The following NBN variants were observed in gnomAD, a reference collection of about 807,000 sequenced individuals.
The protein encoded by NBN is Nijmegen breakage syndrome 1 (nibrin).
In NBN, 88 loss-of-function variants were observed where a neutral mutation model predicts 90.8. The observed-to-expected ratio is 0.97, with a 90% confidence interval of 0.82 to 1.16. NBN has a LOEUF of 1.16. Among genes scored for constraint, NBN ranks in the 50% most tolerant of loss-of-function variants. The probability of loss-of-function intolerance (pLI) is 0.00; values close to 1 mark genes in which losing one functional copy is unlikely to be tolerated. For synonymous variants in NBN, 328 were observed against 295.1 expected, an observed-to-expected ratio of 1.11 and a Z score of -1.14; for missense variants, 894 against 869.6, an observed-to-expected ratio of 1.03 and a Z score of -0.35.
intron 10 of NBN, among the ~76,000 whole-genome samples, chr8:89,954,151 A>C (rs1020079473): frequency 6.6e-6 from 1 of 152,136 alleles, no homozygotes; most frequent in South Asian, 2.1e-4. Flanking sequence ...CTGACTGTAT[A>C]CTGCAAATGC....
At chr8:89,974,279 T>C (rs894685301) in intron 5 of NBN, among the ~76,000 whole-genome samples, 2 of 149,644 alleles carry the variant, frequency 1.3e-5, no homozygotes, top group African/African-American at 5.0e-5. Context: ...TTTGGTGATC[T>C]TGAAAAGGCT....
intron 5 of NBN, 142 bp from the exon 6 acceptor site, chr8:89,971,432 G>C (rs1009185021): frequency 3.0e-6 from 3 of 997,506 alleles, no homozygotes; most frequent in African/African-American, 1.7e-5. Context: ...AATTTTATCT[G>C]GGACAAAATG....
At chr8:89,964,343 G>T (rs749014419) in intron 8 of NBN, 67 bp downstream of exon 8, 10 of 1,539,888 alleles carry the variant, frequency 6.5e-6, no homozygotes, top group Non-Finnish European at 9.0e-6. Context: ...TATGAGTAAC[G>T]TATATTTAGC....
At chr8:89,963,850 T>C (rs1439083734) in intron 8 of NBN, among the ~76,000 whole-genome samples, 1 of 152,266 alleles carries the variant, frequency 6.6e-6, no homozygotes, top group Non-Finnish European at 1.5e-5. Context: ...GGCATCAGGC[T>C]CTTTCACATC....
At chr8:89,972,382 CAAAT>C (rs1203505730) in intron 5 of NBN, among the ~76,000 whole-genome samples, 1 of 152,230 alleles carries the variant, frequency 6.6e-6, no homozygotes, top group Non-Finnish European at 1.5e-5. Flanking sequence ...GCTGCAATCT[CAAAT>C]GAGTTATCTG....
At chr8:89,982,523 A>G (rs1812117741) in intron 2 of NBN, 199 bp downstream of exon 2, 1 of 590,630 alleles carries the variant, frequency 1.7e-6, no homozygotes, top group African/African-American at 1.9e-5. Context: ...TGAAATAGAA[A>G]CTTCAAATCT....
chr8:89,943,481 A>G (rs1810047779), intron 13 of NBN, 115 bp from the exon 14 acceptor site: 4 of 1,081,790 alleles, frequency 3.7e-6, no homozygotes, highest in Admixed American at 2.0e-5. Flanking sequence ...AAAGATGTTT[A>G]TATTCTACAA....
chr8:89,984,239 G>C, intron 1 of NBN: 1 of 546,856 alleles, frequency 1.8e-6, no homozygotes, highest in Non-Finnish European at 3.3e-6. Context: ...CGCTGCAACG[G>C]CGCGGGGGTG....
At chr8:89,950,192 T>G (rs1331801135) in intron 11 of NBN, among the ~76,000 whole-genome samples, 1 of 152,208 alleles carries the variant, frequency 6.6e-6, no homozygotes, top group African/African-American at 2.4e-5. Flanking sequence ...TGATTTAACT[T>G]GTAGTAGTCA....
intron 8 of NBN, among the ~76,000 whole-genome samples, chr8:89,960,230 G>A (rs13312896): frequency 0.017 from 2,657 of 152,148 alleles, 77 homozygotes; most frequent in African/African-American, 0.059. Context: ...AATGACTTCC[G>A]CCACTTTCTC....
chr8:89,970,644 A>C, intron 6 of NBN, 87 bp from the exon 7 acceptor site: 1 of 1,323,776 alleles, frequency 7.6e-7, no homozygotes. Flanking sequence ...ATAGAAGTAC[A>C]ATTCAAGAAG....
In NBN at chr8:89,964,431, G is replaced by A. The variant is rs2129785733; in HGVS notation, c.973C>T (p.Pro325Ser). Residue 325 changes from proline (P) to serine (S), a missense_variant, in exon 8 of 16, where the codon CCT (proline) becomes TCT (serine). Physicochemically the swap from Pro to Ser is moderately conservative, Grantham distance 74. Transcript: ENST00000265433. ...IFMTTKNYCD[P>S]QGHPSTGLKT... ...TTACCTGTACTGGGATGGCCCTGAG[G>A]ATCACAGTAATTCTTTGTAGTCATG... is the stretch of plus-strand genomic sequence containing the variant. 6.2e-7 allele frequency: 1 copy of A among 1,613,720 alleles called. No individual in the cohort carries two copies. Among genetic ancestry groups the A allele is most frequent in the Non-Finnish European group, 8.5e-7 (1 of 1,179,802 alleles).
In NBN at chr8:89,933,835, C is replaced by T. The variant is rs1441804805; in HGVS notation, c.*1747G>A. The stretch of plus-strand genomic sequence containing the variant: ...GGTGTAATATCTCAATACATATATC[C>T]GACAAGAGACTTGCATCTAGAATGT... On this transcript the variant is annotated 3_prime_UTR_variant, in exon 16 of 16. Transcript: ENST00000265433. The T allele has an allele frequency of 2.2e-5, 5 of 231,876 alleles. No individual in the cohort carries two copies. The highest frequency in any genetic ancestry group is 4.3e-5 in the Non-Finnish European group (5 of 117,516). The allele number at this position is 231,876 out of a possible 1,614,324, so 14.4% of individuals were successfully genotyped here.
intron 8 of NBN, among the ~76,000 whole-genome samples, chr8:89,960,739 T>C (rs1401144664): frequency 6.6e-6 from 1 of 152,162 alleles, no homozygotes; most frequent in Admixed American, 6.5e-5. Context: ...AAAAATACCA[T>C]AAGGGCAGGA....
Position 89,938,239 on chromosome 8 carries a change from A to C in NBN, c.2185-1164T>G, listed in dbSNP as rs75248055. Among the ~76,000 whole-genome samples the C allele has an allele frequency of 5.3e-3, 814 of 152,284 alleles. 3 individuals carry two copies. Among genetic ancestry groups the C allele is most frequent in the Non-Finnish European group, 7.1e-3 (486 of 68,028 alleles). On this transcript the variant is annotated intron_variant, in intron 14 of 15. Coordinates refer to ENST00000265433, the MANE Select transcript of NBN (RefSeq NM_002485.5). ...TAAGTCCTGACTTAATGTTTTTGATATTTCTTGGAAACTGCAACTGTAAGT... is the reference window on the plus strand; with the variant it reads ...TAAGTCCTGACTTAATGTTTTTGATCTTTCTTGGAAACTGCAACTGTAAGT...
chr8:89,954,793 G>C (rs568565151), intron 10 of NBN, among the ~76,000 whole-genome samples: 1 of 151,988 alleles, frequency 6.6e-6, no homozygotes, highest in East Asian at 1.9e-4. Context: ...GAAGCTTAAC[G>C]GGACGGCACA....
intron 13 of NBN, among the ~76,000 whole-genome samples, chr8:89,944,365 A>G (rs543440435): frequency 1.3e-5 from 2 of 152,270 alleles, no homozygotes; most frequent in Admixed American, 6.5e-5. Context: ...ATAAGTAACT[A>G]AAATTTTTAT....
In NBN at chr8:89,947,839, T is replaced by C; in HGVS notation, c.1899A>G (p.Ser633=). 6.3e-7 allele frequency: 1 copy of C among 1,579,058 alleles called. No homozygotes were observed. The highest frequency in any genetic ancestry group is 8.7e-7 in the Non-Finnish European group (1 of 1,152,450). The change falls in exon 12 of 16, where the codon TCA becomes TCG. Residue 633 remains serine, a synonymous_variant. Coordinates refer to ENST00000265433, the MANE Select transcript of NBN (RefSeq NM_002485.5). ...KRELKEDSLW[S]AKEISNNDKL... is the part of the protein sequence containing the mutation. ...CGTTTCTCACAGATATTTCTTTAGC[T>C]GACCATAGTGAGTCTTCCTTGAGTT...
At chr8:89,950,889 G>C (rs3026265) in intron 11 of NBN, among the ~76,000 whole-genome samples, 50,129 of 151,736 alleles carry the variant, frequency 0.33, 8,357 homozygotes, top group East Asian at 0.45. Context: ...AGTGAAAGTA[G>C]GTCTTCAGGA....
Sources: gnomAD v4.1 joint callset for allele counts (sites outside exome capture counted in the v4.1 genomes callset) on GRCh38, gnomAD v4.1.1 for gene constraint, MANE v1.5 for transcripts, NCBI Gene and HGNC (gene_info 2026-07-23, HGNC 2026-07-21) for gene names.